The following RIMS3 variants were observed in gnomAD, a reference collection of about 807,000 sequenced individuals.
RIMS3 encodes the protein regulating synaptic membrane exocytosis 3.
In RIMS3, 15 loss-of-function variants were observed where a neutral mutation model predicts 29.2. That is an observed-to-expected ratio of 0.51 (90% CI 0.34 to 0.79). The LOEUF (loss-of-function observed/expected upper bound fraction) is 0.79, where lower values mean the gene tolerates loss of function less well. Among genes scored for constraint, RIMS3 ranks in the 30% least tolerant of loss-of-function variants. RIMS3 has a pLI of 0.01. For missense variants in RIMS3, 342 were observed against 421.4 expected (o/e 0.81, Z 1.65); for synonymous variants, 161 against 170.1 (o/e 0.95, Z 0.41).
At chr1:40,675,556 G>A in the RIMS3 span, among the ~76,000 whole-genome samples, 2 of 151,960 alleles carry the variant, frequency 1.3e-5, no homozygotes, top group South Asian at 2.1e-4. Flanking sequence ...TCAGGAGTTC[G>A]AGACCAGCCT....
intron 4 of RIMS3, among the ~76,000 whole-genome samples, chr1:40,634,947 AAAAAAAAAC>A (rs1436216361): frequency 2.0e-5 from 3 of 151,944 alleles, no homozygotes; most frequent in Non-Finnish European, 2.9e-5. Flanking sequence ...ATCACAAAAA[AAAAAAAAAC>A]AAAAAAAACA....
At chr1:40,650,861 GTCAAAAAAA>G (rs1557680277) in intron 1 of RIMS3, among the ~76,000 whole-genome samples, 1 of 20,528 alleles carries the variant, frequency 4.9e-5, no homozygotes, top group Admixed American at 8.2e-4. Flanking sequence ...GCCAGACTCT[GTCAAAAAAA>G]AAAAAAAAAA....
chr1:40,690,477 C>T, the RIMS3 span: 1 of 152,106 alleles, frequency 6.6e-6, no homozygotes, highest in Non-Finnish European at 1.5e-5. Flanking sequence ...ATTTACGAAG[C>T]ACTCTCACAT....
Position 40,626,254 on chromosome 1 carries a change from A to C in RIMS3, c.*263T>G. ...TTCAACAAGACACAAAGAGACGTGG[A>C]GACATTTCAGCCCATATCATCACCA... On this transcript the variant is annotated 3_prime_UTR_variant, in exon 8 of 8. Coordinates refer to ENST00000372684, the MANE Select transcript of RIMS3 (RefSeq NM_014747.3). 1.8e-6 allele frequency: 1 copy of C among 543,540 alleles called. No homozygotes were observed. The highest frequency in any genetic ancestry group is 2.0e-5 in the South Asian group (1 of 49,320). The allele number at this position is 543,540 out of a possible 1,614,324, so 33.7% of individuals were successfully genotyped here.
At chr1:40,686,019 G>A in the RIMS3 span, among the ~76,000 whole-genome samples, 2 of 152,066 alleles carry the variant, frequency 1.3e-5, no homozygotes, top group East Asian at 1.9e-4. Flanking sequence ...TGTGGTGGTG[G>A]GCACCTGTAA....
upstream of RIMS3, chr1:40,669,251 A>G (rs186977389): frequency 2.6e-4 from 39 of 152,350 alleles, no homozygotes; most frequent in African/African-American, 9.1e-4. Flanking sequence ...TCTTCGAGGT[A>G]GGTGCACTGT....
In RIMS3 at chr1:40,635,910, A is replaced by G. The variant is rs765225422; in HGVS notation, c.359+6T>C. On this transcript the variant is annotated splice_donor_region_variant and intron_variant, in intron 4 of 7. Coordinates refer to ENST00000372684, the MANE Select transcript of RIMS3 (RefSeq NM_014747.3). The surrounding 1 kb of genome is among the most constrained non-coding windows in gnomAD (Gnocchi z 4.1). ...GGAGGGGACCACAGCACGGGGCTGC[A>G]CGCACGTGCCGTCGGAGCTGTTGCT... 6.2e-7 allele frequency: 1 copy of G among 1,612,490 alleles called. No individual in the cohort carries two copies. Among genetic ancestry groups the G allele is most frequent in the South Asian group, 1.1e-5 (1 of 91,026 alleles).
At chr1:40,680,077 T>C in the RIMS3 span, among the ~76,000 whole-genome samples, 1 of 151,910 alleles carries the variant, frequency 6.6e-6, no homozygotes, top group Non-Finnish European at 1.5e-5. Context: ...GGAGGATCAC[T>C]TGAGCCCAGG....
At chr1:40,680,330 G>GTTT in the RIMS3 span, among the ~76,000 whole-genome samples, 61 of 127,142 alleles carry the variant, frequency 4.8e-4, 1 homozygote, top group Non-Finnish European at 6.3e-4. Context: ...AGAGTAAATA[G>GTTT]TTTTTTTTTT....
the RIMS3 span, among the ~76,000 whole-genome samples, chr1:40,680,055 A>C: frequency 2.6e-5 from 4 of 151,958 alleles, no homozygotes; most frequent in Non-Finnish European, 4.4e-5. Context: ...TGCACTTTGG[A>C]AGGCTGAGGG....
At chr1:40,637,828 G>T (rs1200556764) in intron 3 of RIMS3, among the ~76,000 whole-genome samples, 2 of 152,124 alleles carry the variant, frequency 1.3e-5, no homozygotes, top group Non-Finnish European at 2.9e-5. Flanking sequence ...AGAGGCCTGG[G>T]TAAAAATGCT....
the RIMS3 span, chr1:40,691,640 T>C: frequency 7.0e-6 from 3 of 429,850 alleles, no homozygotes; most frequent in East Asian, 2.7e-4. Context: ...GCACAGCTTC[T>C]GCGCACCGCA....
Position 40,626,267 on chromosome 1 carries a change from C to T in RIMS3, c.*250G>A. On this transcript the variant is annotated 3_prime_UTR_variant, in exon 8 of 8. Transcript: ENST00000372684. ...AAAGAGACGTGGAGACATTTCAGCC[C>T]ATATCATCACCAGGAGTGACTATAC... 1.8e-6 allele frequency: 1 copy of T among 565,696 alleles called. No individual in the cohort carries two copies. Among genetic ancestry groups the T allele is most frequent in the Non-Finnish European group, 3.2e-6 (1 of 313,964 alleles). The allele number at this position is 565,696 out of a possible 1,614,324, so 35.0% of individuals were successfully genotyped here.
At position 40,654,741 on chromosome 1, in the gene RIMS3, C is replaced by A. The variant is rs1642248902; in HGVS notation, c.-206-6899G>T. ...CGCATGAAGATACATTCACCACAGACACACACACACACAGTGCACACACAA... is the reference window on the plus strand; with the variant it reads ...CGCATGAAGATACATTCACCACAGAAACACACACACACAGTGCACACACAA... On this transcript the variant is annotated intron_variant, in intron 1 of 7. Coordinates refer to ENST00000372684, the MANE Select transcript of RIMS3 (RefSeq NM_014747.3). The surrounding 1 kb of genome is among the most constrained non-coding windows in gnomAD (Gnocchi z 5.3). Among the ~76,000 whole-genome samples the A allele has an allele frequency of 6.6e-6, 1 of 151,814 alleles. No individual in the cohort carries two copies.
chr1:40,626,753 G>T, intron 7 of RIMS3, 24 bp from the exon 8 acceptor site: 5 of 1,602,932 alleles, frequency 3.1e-6, no homozygotes, highest in Non-Finnish European at 4.3e-6. Flanking sequence ...GAGAGGGAGG[G>T]AGTGAGCCAC....
chr1:40,632,231 T>C (rs541207182), intron 5 of RIMS3, among the ~76,000 whole-genome samples: 1 of 151,912 alleles, frequency 6.6e-6, no homozygotes, highest in African/African-American at 2.4e-5. Context: ...GTGTGCCGCA[T>C]AATGACATTT....
chr1:40,626,593 T>C lies in RIMS3; in HGVS notation c.851A>G (p.Asp284Gly). 6.2e-7 allele frequency: 1 copy of C among 1,613,770 alleles called. No individual in the cohort carries two copies. The highest frequency in any genetic ancestry group is 8.5e-7 in the Non-Finnish European group (1 of 1,179,958). The change falls in exon 8 of 8, where the codon GAC becomes GGC. Residue 284 changes from aspartate (D) to glycine (G), a missense_variant. Asp to Gly is a moderately conservative substitution (Grantham distance 94, BLOSUM62 -1). Coordinates refer to ENST00000372684, the MANE Select transcript of RIMS3 (RefSeq NM_014747.3). ...CCTGGTGAGGGATCCGAGTGTGGAG[T>C]CTGCCACTGAGGAGGTGGGGAAGAG... ...YKLFPTSSVA[D>G]STLGSLTRRL...
intron 1 of RIMS3, among the ~76,000 whole-genome samples, chr1:40,652,781 G>T (rs1157883626): frequency 2.0e-5 from 3 of 152,220 alleles, no homozygotes; most frequent in Non-Finnish European, 4.4e-5. Context: ...GCTTTACAGA[G>T]ATCAATCTGA....
the RIMS3 span, among the ~76,000 whole-genome samples, chr1:40,675,415 A>T: frequency 1.3e-5 from 2 of 152,252 alleles, no homozygotes; most frequent in Admixed American, 1.3e-4. Flanking sequence ...TGAGTCCAGG[A>T]ATTCATGACC....
Sources: gnomAD v4.1 joint callset for allele counts (sites outside exome capture counted in the v4.1 genomes callset) on GRCh38, gnomAD v4.1.1 for gene constraint, Gnocchi (gnomAD v3.1) non-coding constraint, MANE v1.5 for transcripts, NCBI Gene and HGNC (gene_info 2026-07-23, HGNC 2026-07-21) for gene names.